KIF1A: variants seen among roughly 807,000 people sequenced by gnomAD.
The protein encoded by KIF1A is kinesin-like protein KIF1A.
KIF1A carries 46 observed loss-of-function variants against 227.3 expected under a neutral mutation model. The ratio of observed to expected loss-of-function variants is 0.20; its 90% confidence interval spans 0.16 to 0.26. The LOEUF is 0.26. Among genes scored for constraint, KIF1A ranks in the 10% least tolerant of loss-of-function variants. The probability of loss-of-function intolerance (pLI) is 1.00; values close to 1 mark genes in which losing one functional copy is unlikely to be tolerated. For synonymous variants in KIF1A, 1,022 were observed against 1,012.8 expected (o/e 1.01, Z -0.17); for missense variants, 1,683 against 2,485.9 (o/e 0.68, Z 6.87).
intron 1 of KIF1A, among the ~76,000 whole-genome samples, chr2:240,805,841 G>A (rs1270498324): frequency 1.3e-5 from 2 of 152,172 alleles, no homozygotes; most frequent in African/African-American, 4.8e-5. Context: ...CATATGTTTA[G>A]AAATTTAAAA....
chr2:240,810,932 C>T (rs1278334643), intron 1 of KIF1A, among the ~76,000 whole-genome samples: 1 of 152,308 alleles, frequency 6.6e-6, no homozygotes, highest in Non-Finnish European at 1.5e-5. Context: ...GGTGGTGAGC[C>T]CTCTGCCAGT....
intron 29 of KIF1A, among the ~76,000 whole-genome samples, chr2:240,746,649 G>A (rs2048632221): frequency 6.6e-6 from 1 of 152,192 alleles, no homozygotes; most frequent in Non-Finnish European, 1.5e-5. Flanking sequence ...GGTGGGCAGG[G>A]GTGAGAAGCG....
At chr2:240,754,575 C>T (rs1264523371) in intron 27 of KIF1A, among the ~76,000 whole-genome samples, 1 of 152,258 alleles carries the variant, frequency 6.6e-6, no homozygotes, top group Non-Finnish European at 1.5e-5. Context: ...TGGTGCCTGG[C>T]ATCTTGGAGC....
rs2050467738 is a variant in KIF1A, at chr2:240,761,097, T to C, written c.2265+132A>G. ...CTGCCCACCCTTCTGGGGGGCCAGG[T>C]CAGGCAGGGCTGCTATGCCACCCCC... On this transcript the variant is annotated intron_variant, in intron 24 of 48. Transcript: ENST00000498729. 3 of 1,145,546 alleles carry C rather than the reference T, an allele frequency of 2.6e-6. No individual in the cohort carries two copies. In the South Asian group the frequency reaches 4.5e-5, roughly 17 times the overall value. 71.0% of individuals were successfully genotyped at this position (1,145,546 alleles called of 1,614,324 possible). A position where few individuals can be genotyped will look rare whatever the true frequency, so the allele number is the denominator to read the frequency against.
rs140188452 is a variant in KIF1A at position 240,778,295 on chromosome 2, C to G, written c.883-2369G>C. Among the ~76,000 whole-genome samples the G allele has an allele frequency of 4.2e-3, 635 of 152,200 alleles. 3 individuals are homozygous for G. Among genetic ancestry groups the G allele is most frequent in the African/African-American group, 0.015 (607 of 41,504 alleles). ...AGTTCCACGCGATCCTCACCTAGGT[C>G]TCTACATAGGGCCTCGTTACACAGG... is the stretch of plus-strand genomic sequence containing the variant. On this transcript the variant is annotated intron_variant, in intron 10 of 48. Coordinates refer to ENST00000498729, the MANE Select transcript of KIF1A (RefSeq NM_001244008.2). This position sits in a 1 kb window ranked among gnomAD's most constrained non-coding sequence, Gnocchi z 7.2.
chr2:240,817,722 G>T (rs138476957), intron 1 of KIF1A, among the ~76,000 whole-genome samples: 1 of 152,102 alleles, frequency 6.6e-6, no homozygotes, highest in Non-Finnish European at 1.5e-5. Context: ...TGGCCGGCCC[G>T]GCTGAGTGGC....
upstream of KIF1A, among the ~76,000 whole-genome samples, chr2:240,820,954 C>A (rs538546008): frequency 8.5e-4 from 129 of 152,208 alleles, no homozygotes; most frequent in African/African-American, 2.9e-3. The surrounding 1 kb of genome is among the most constrained non-coding windows in gnomAD (Gnocchi z 6.2). Flanking sequence ...ACCCCCAAGT[C>A]ACACGCCGCT....
chr2:240,817,233 C>T (rs1182302635), intron 1 of KIF1A, among the ~76,000 whole-genome samples: 2 of 152,196 alleles, frequency 1.3e-5, no homozygotes, highest in African/African-American at 4.8e-5. Flanking sequence ...CCCTGGCCAC[C>T]CATGGACAGG....
In KIF1A at chr2:240,792,745, G is replaced by A. The variant is rs2126120132; in HGVS notation, c.107-3433C>T. Among the ~76,000 whole-genome samples the A allele has an allele frequency of 6.6e-6, 1 of 152,246 alleles. No homozygotes were observed. The highest frequency in any genetic ancestry group is 1.5e-5 in the Non-Finnish European group (1 of 68,032). On this transcript the variant is annotated intron_variant, in intron 2 of 48. Transcript: ENST00000498729. This position sits in a 1 kb window ranked among gnomAD's most constrained non-coding sequence, Gnocchi z 4.5. Reference sequence around the variant, plus strand: ...CCAACCAGCTGGCATTTGGAAATGGGGCCTTGTGAAGTGATGAGGATGAGA... The same window carrying A: ...CCAACCAGCTGGCATTTGGAAATGGAGCCTTGTGAAGTGATGAGGATGAGA...
chr2:240,795,693 C>T (rs1023618752), intron 2 of KIF1A, among the ~76,000 whole-genome samples: 2 of 152,194 alleles, frequency 1.3e-5, no homozygotes, highest in Non-Finnish European at 2.9e-5. Context: ...TACCCAGTGC[C>T]CCTGGAGGCT....
At chr2:240,761,821 G>A (rs891267062) in intron 23 of KIF1A, among the ~76,000 whole-genome samples, 20 of 152,302 alleles carry the variant, frequency 1.3e-4, no homozygotes, top group African/African-American at 3.6e-4. Flanking sequence ...GAGCAACACC[G>A]TCAATGACAG....
chr2:240,768,549 G>A lies in KIF1A; in HGVS notation c.1497+584C>T, dbSNP rs146607158. 7.3e-3 allele frequency among the ~76,000 whole-genome samples: 1,117 copies of A among 152,354 alleles called. 10 individuals carry two copies. The highest frequency in any genetic ancestry group is 0.025 in the African/African-American group (1,036 of 41,584). ...ACAAGAAAGACTTTTTCCCAAGTGT[G>A]TGTGTCATGCCCCACCTGGGCTGCT... On this transcript the variant is annotated intron_variant, in intron 17 of 48. Transcript: ENST00000498729.
rs2051261253 is a variant in KIF1A, at chr2:240,766,786, C to CGT, written c.1684+127_1684+128dup. ...ACACACACACACACACACACACACACGTCCTGCCTAGAAGTATGACTCGCG... is the reference window on the plus strand; with the variant it reads ...ACACACACACACACACACACACACACGTGTCCTGCCTAGAAGTATGACTCGCG... On this transcript the variant is annotated intron_variant, in intron 19 of 48. Coordinates refer to ENST00000498729, the MANE Select transcript of KIF1A (RefSeq NM_001244008.2). The surrounding 1 kb of genome is among the most constrained non-coding windows in gnomAD (Gnocchi z 5.0). 1 of 623,402 alleles carries CGT rather than the reference C, an allele frequency of 1.6e-6. No individual in the cohort carries two copies. The highest frequency in any genetic ancestry group is 2.9e-6 in the Non-Finnish European group (1 of 341,736). 38.6% of individuals were successfully genotyped at this position (623,402 alleles called of 1,614,324 possible).
At chr2:240,796,455 C>T (rs200069721) in intron 2 of KIF1A, among the ~76,000 whole-genome samples, 1 of 152,210 alleles carries the variant, frequency 6.6e-6, no homozygotes, top group East Asian at 1.9e-4. Context: ...TACGAACGCA[C>T]CTTTGTCAGC....
Position 240,760,787 on chromosome 2 carries a change from G to T in KIF1A, c.2322C>A (p.Asp774Glu), listed in dbSNP as rs780908328. Residue 774 changes from aspartate to glutamate, a missense_variant, in exon 25 of 49, where the codon GAC (aspartate) becomes GAA (glutamate). By Grantham distance (45) the Asp-to-Glu change is conservative. This residue lies in a region of KIF1A where 759 missense variants were observed against 1,020.2 expected (regional missense o/e 0.74). Transcript: ENST00000498729. ...CTTTGGCGGCCTCTGGGGGCAGCAG[G>T]TCGGGTGGCAGAGGGGAGTAGAGTG... ...TDTLYSPLPP[D>E]LLPPEAAKDR... is the part of the protein sequence containing the mutation. 12 of 1,605,184 alleles carry T rather than the reference G, an allele frequency of 7.5e-6. No homozygotes were observed. Among genetic ancestry groups the T allele is most frequent in the African/African-American group, 4.0e-5 (3 of 74,376 alleles).
At chr2:240,763,618 T>G (rs1389868637) in intron 20 of KIF1A, among the ~76,000 whole-genome samples, 1 of 151,928 alleles carries the variant, frequency 6.6e-6, no homozygotes, top group Admixed American at 6.6e-5. Flanking sequence ...TCCCCGCCCC[T>G]CCCCAGGCCA....
chr2:240,805,071 GCA>G (rs2057283936), intron 1 of KIF1A, among the ~76,000 whole-genome samples: 7 of 46,786 alleles, frequency 1.5e-4, no homozygotes, highest in East Asian at 9.9e-4. Context: ...GAGGGAGAGG[GCA>G]GGGAGAGGGG....
chr2:240,727,077 G>T lies in KIF1A; in HGVS notation c.4008-137C>A, dbSNP rs996204453. On this transcript the variant is annotated intron_variant, in intron 38 of 48. Transcript: ENST00000498729. Reference sequence around the variant, plus strand: ...GGCTGGGGGCACAGGCTGGAAGCCCGGGCGGCGGTGCCAGGAAGGACAGGT... The same window carrying T: ...GGCTGGGGGCACAGGCTGGAAGCCCTGGCGGCGGTGCCAGGAAGGACAGGT... 8.8e-6 allele frequency: 5 copies of T among 565,612 alleles called. No individual in the cohort carries two copies. The Admixed American group carries it at 1.5e-4, about 17-fold the overall frequency. The allele number at this position is 565,612 out of a possible 1,614,324, so 35.0% of individuals were successfully genotyped here.
chr2:240,728,771 G>A (rs1262045434), intron 38 of KIF1A, among the ~76,000 whole-genome samples: 1 of 152,222 alleles, frequency 6.6e-6, no homozygotes, highest in Admixed American at 6.5e-5. Flanking sequence ...CAGGGCTGGA[G>A]CCACTGCAGC....
Sources: gnomAD v4.1 joint callset for allele counts (sites outside exome capture counted in the v4.1 genomes callset) on GRCh38, gnomAD v4.1.1 for gene constraint, gnomAD v4.1.1 regional missense constraint, Gnocchi (gnomAD v3.1) non-coding constraint, MANE v1.5 for transcripts, NCBI Gene and HGNC (gene_info 2026-07-23, HGNC 2026-07-21) for gene names.